Variants in MAX observed in about 807,000 individuals in gnomAD.
MAX encodes the protein MYC associated transcriptional regulator X.
In MAX, 3 loss-of-function variants were observed where a neutral mutation model predicts 22.3. That is an observed-to-expected ratio of 0.13 (90% CI 0.06 to 0.35). The LOEUF is 0.35. MAX is among the 10% of genes least tolerant of loss of function. The pLI, the probability that MAX is intolerant of heterozygous loss-of-function variation, is 1.00. For synonymous variants in MAX, 72 were observed against 77.7 expected, an observed-to-expected ratio of 0.93 and a Z score of 0.39; for missense variants, 119 against 209.4, an observed-to-expected ratio of 0.57 and a Z score of 2.66.
Position 65,102,457 on chromosome 14 carries a change from T to C in MAX, c.-118A>G. 1 of 1,534,182 alleles carries C rather than the reference T, an allele frequency of 6.5e-7. No individual in the cohort carries two copies. The highest frequency in any genetic ancestry group is 8.8e-7 in the Non-Finnish European group (1 of 1,142,150). On this transcript the variant is annotated 5_prime_UTR_variant, in exon 1 of 5. Coordinates refer to ENST00000358664, the MANE Select transcript of MAX (RefSeq NM_002382.5). ...CCCCCCCACACACACACTCACTCAC[T>C]CACTCACTCGCTCTCTCACTCACAC...
intron 3 of MAX, among the ~76,000 whole-genome samples, chr14:65,087,411 A>T (rs1182189229): frequency 6.6e-6 from 1 of 152,222 alleles, no homozygotes; most frequent in Non-Finnish European, 1.5e-5. Context: ...AGCAGCCAGG[A>T]AGGAGGCTGT....
intron 3 of MAX, among the ~76,000 whole-genome samples, chr14:65,019,714 T>G (rs1364423065): frequency 1.3e-5 from 2 of 152,210 alleles, no homozygotes; most frequent in Non-Finnish European, 2.9e-5. Context: ...CTTTTAAACA[T>G]TTCTTAGACT....
At chr14:65,060,697 C>CAAAAAAAAAAA (rs59036615) in intron 3 of MAX, among the ~76,000 whole-genome samples, 3 of 48,600 alleles carry the variant, frequency 6.2e-5, no homozygotes, top group East Asian at 5.1e-4. Flanking sequence ...GACTCCGTCT[C>CAAAAAAAAAAA]AAAAAAAAAA....
rs189378334 is a variant in MAX, at chr14:65,076,436, G to C, written c.*40C>G. 1.5e-4 allele frequency: 246 copies of C among 1,612,246 alleles called. 1 individual carries two copies. In the African/African-American group the frequency reaches 2.9e-3, roughly 19 times the overall value. ...CGAACTGAAAGGAGGATGAGACGAT[G>C]GAGACAGACAGTTTTTATTGCTGGC... On this transcript the variant is annotated 3_prime_UTR_variant, in exon 5 of 5. Transcript: ENST00000358664. The surrounding 1 kb of genome is among the most constrained non-coding windows in gnomAD (Gnocchi z 6.6).
intron 3 of MAX, among the ~76,000 whole-genome samples, chr14:65,081,272 G>T (rs7155468): frequency 0.095 from 14,427 of 152,060 alleles, 2,108 homozygotes; most frequent in African/African-American, 0.31. Context: ...AAGAATTAAG[G>T]CCCAACAAGA....
At position 65,033,835 on chromosome 14, in the gene MAX, C is replaced by T. The variant is rs146309955; in HGVS notation, c.172-27551G>A. Among the ~76,000 whole-genome samples the T allele has an allele frequency of 1.3e-3, 194 of 152,090 alleles. 1 individual carries two copies. Among genetic ancestry groups the T allele is most frequent in the African/African-American group, 4.6e-3 (192 of 41,484 alleles). The stretch of plus-strand genomic sequence containing the variant: ...TCACGCCACTGCACTCCAGCCTGGG[C>T]GACAGGGCGAGACTCCATCTCAAAA... On this transcript the variant is annotated intron_variant, in intron 3 of 3. Transcript: ENST00000341653.
chr14:65,055,327 TGTCC>T (rs1385120394), intron 3 of MAX, among the ~76,000 whole-genome samples: 6 of 152,174 alleles, frequency 3.9e-5, no homozygotes, highest in Non-Finnish European at 8.8e-5. Context: ...CAATGGAGAC[TGTCC>T]CCAGTGATCA....
Position 65,032,524 on chromosome 14 carries a change from A to T in MAX, c.172-26240T>A. 1 of 1,466,848 alleles carries T rather than the reference A, an allele frequency of 6.8e-7. No individual in the cohort carries two copies. Among genetic ancestry groups the T allele is most frequent in the Non-Finnish European group, 9.2e-7 (1 of 1,084,120 alleles). The allele number at this position is 1,466,848 out of a possible 1,614,324, so 90.9% of individuals were successfully genotyped here. A position where few individuals can be genotyped will look rare whatever the true frequency, so the allele number is the denominator to read the frequency against. On this transcript the variant is annotated intron_variant, in intron 3 of 3. Transcript: ENST00000341653. This position sits in a 1 kb window ranked among gnomAD's most constrained non-coding sequence, Gnocchi z 5.0. The stretch of plus-strand genomic sequence containing the variant: ...AGGAGGTGATTACAGCTTACTAGGC[A>T]AGGCGAGCAGTCCGCCCGCGGAGTT...
In MAX at chr14:65,009,940, C is replaced by T. The variant is rs923301033; in HGVS notation, c.172-3656G>A. Among the ~76,000 whole-genome samples the T allele has an allele frequency of 2.0e-5, 3 of 152,154 alleles. No individual in the cohort carries two copies. The East Asian group carries it at 5.8e-4, about 29-fold the overall frequency. On this transcript the variant is annotated intron_variant, in intron 3 of 3. Transcript: ENST00000341653. The surrounding 1 kb of genome is among the most constrained non-coding windows in gnomAD (Gnocchi z 4.2). ...GCTCTAGGGTACAGAGCAGCCTCTACCCCAGTGCTGGACAACACTCTGCCC... is the reference window on the plus strand; with the variant it reads ...GCTCTAGGGTACAGAGCAGCCTCTATCCCAGTGCTGGACAACACTCTGCCC...
intron 2 of MAX, among the ~76,000 whole-genome samples, chr14:65,099,088 A>T (rs2063752507): frequency 6.6e-6 from 1 of 152,150 alleles, no homozygotes; most frequent in African/African-American, 2.4e-5. Flanking sequence ...CTTAAATTTT[A>T]AAAAATATAT....
intron 3 of MAX, among the ~76,000 whole-genome samples, chr14:65,013,828 G>A (rs1161423084): frequency 6.6e-6 from 1 of 152,224 alleles, no homozygotes; most frequent in Non-Finnish European, 1.5e-5. Context: ...GGTTACAGGC[G>A]TGAGCTACTG....
intron 3 of MAX, among the ~76,000 whole-genome samples, chr14:65,055,044 T>C (rs1210491818): frequency 2.0e-5 from 3 of 152,262 alleles, no homozygotes; most frequent in East Asian, 1.9e-4. Flanking sequence ...ACTGCAGCCA[T>C]GCGGCACTGG....
intron 3 of MAX, chr14:65,061,366 T>C: frequency 6.2e-7 from 1 of 1,609,740 alleles, no homozygotes; most frequent in South Asian, 1.1e-5. Flanking sequence ...TCAGACAAGG[T>C]TTATACGTTT....
chr14:65,100,131 G>A (rs1367201390), intron 2 of MAX, among the ~76,000 whole-genome samples: 1 of 152,148 alleles, frequency 6.6e-6, no homozygotes, highest in South Asian at 2.1e-4. Flanking sequence ...ATAACATAAA[G>A]TTTTAGATTT....
At position 65,023,045 on chromosome 14, in the gene MAX, G is replaced by A. The variant is rs2061917155; in HGVS notation, c.172-16761C>T. 6.6e-6 allele frequency among the ~76,000 whole-genome samples: 1 copy of A among 152,022 alleles called. No individual in the cohort carries two copies. Among genetic ancestry groups the A allele is most frequent in the South Asian group, 2.1e-4 (1 of 4,824 alleles). ...TGAATCCTTCATCCAAACTGATGAC[G>A]GTGTTTAGAATCAACATTGATTAAT... On this transcript the variant is annotated intron_variant, in intron 3 of 3. Coordinates refer to the MAX transcript ENST00000341653. This position sits in a 1 kb window ranked among gnomAD's most constrained non-coding sequence, Gnocchi z 4.1.
In MAX at chr14:65,079,365, TG is replaced by T. The variant is rs1566602440; in HGVS notation, c.172-1330del. The stretch of plus-strand genomic sequence containing the variant: ...ACCTCTACAATGGCTGTGGGTTGCC[TG>T]GGTACTGCCTTGCTAGAGTAAGTTC... On this transcript the variant is annotated intron_variant, in intron 3 of 4. Transcript: ENST00000358664. The surrounding 1 kb of genome is among the most constrained non-coding windows in gnomAD (Gnocchi z 4.5). Among the ~76,000 whole-genome samples, 1 of 152,238 alleles carries T rather than the reference TG, an allele frequency of 6.6e-6. No individual in the cohort carries two copies. Among genetic ancestry groups the T allele is most frequent in the South Asian group, 2.1e-4 (1 of 4,838 alleles).
chr14:65,063,858 C>A (rs1357349932), intron 3 of MAX, among the ~76,000 whole-genome samples: 1 of 152,168 alleles, frequency 6.6e-6, no homozygotes, highest in Non-Finnish European at 1.5e-5. Flanking sequence ...AGCCACCGCA[C>A]CTTTGGAGAG....
At chr14:65,049,863 T>C (rs781579465) in intron 3 of MAX, among the ~76,000 whole-genome samples, 2 of 152,150 alleles carry the variant, frequency 1.3e-5, no homozygotes, top group Non-Finnish European at 2.9e-5. Flanking sequence ...ATGACAATTT[T>C]AGAACATTTT....
At chr14:65,102,680 A>T (rs543024961), upstream of MAX, 179 of 659,008 alleles carry the variant, frequency 2.7e-4, no homozygotes, top group East Asian at 5.8e-4. Flanking sequence ...CATCCAGGCG[A>T]CGCCAGCCCG....
Sources: gnomAD v4.1 joint callset for allele counts (sites outside exome capture counted in the v4.1 genomes callset) on GRCh38, gnomAD v4.1.1 for gene constraint, Gnocchi (gnomAD v3.1) non-coding constraint, MANE v1.5 for transcripts, NCBI Gene and HGNC (gene_info 2026-07-23, HGNC 2026-07-21) for gene names.